TRAP1: variants seen among roughly 807,000 people sequenced by gnomAD.
The protein encoded by TRAP1 is TNF receptor associated protein 1, also known as heat shock protein 75 kDa, mitochondrial.
Under a neutral mutation model 89.1 loss-of-function variants are expected in TRAP1, and 102 were observed. The observed-to-expected ratio is 1.15, with a 90% CI of 0.98 to 1.35. The LOEUF is 1.35. Among genes scored for constraint, TRAP1 ranks in the 40% most tolerant of loss-of-function variants. The pLI, the probability that TRAP1 is intolerant of heterozygous loss-of-function variation, is 0.00. For synonymous variants in TRAP1, 508 were observed against 388.0 expected, an observed-to-expected ratio of 1.31 and a Z score of -3.64; for missense variants, 1,256 against 945.3, an observed-to-expected ratio of 1.33 and a Z score of -4.31.
chr16:3,663,513 C>G lies in TRAP1; in HGVS notation c.1619G>C (p.Arg540Pro), dbSNP rs141361125. 1.8e-5 allele frequency: 29 copies of G among 1,614,002 alleles called. No homozygotes were observed. The highest frequency in any genetic ancestry group is 3.3e-4 in the Middle Eastern group (2 of 6,084). ...QFDELTLLHL[R>P]EFDKKKLISV... Reference sequence around the variant, plus strand: ...GATCAGCTTCTTCTTGTCAAACTCACGAAGGTGCAGCAGGGTGAGCTCATC... The same window carrying G: ...GATCAGCTTCTTCTTGTCAAACTCAGGAAGGTGCAGCAGGGTGAGCTCATC... The change falls in exon 14 of 18, where the codon CGT becomes CCT. Residue 540 changes from arginine (R) to proline (P), a missense_variant. Physicochemically the swap from Arg to Pro is moderately radical, Grantham distance 103 (BLOSUM62 -2). Transcript: ENST00000246957.
intron 7 of TRAP1, 67 bp from the exon 8 acceptor site, chr16:3,675,464 G>A: frequency 6.6e-7 from 1 of 1,507,782 alleles, no homozygotes; most frequent in African/African-American, 1.4e-5. Context: ...CTTTGCAGCA[G>A]CTCCAGGATG....
rs370909975 is a variant in TRAP1 at position 3,674,316 on chromosome 16, G to A, written c.1044+23C>T. On this transcript the variant is annotated intron_variant, in intron 9 of 17. Coordinates refer to ENST00000246957, the MANE Select transcript of TRAP1 (RefSeq NM_016292.3). ...GGACAACAGAGTCACCCTGAGGGCC[G>A]TGGGACTGCCACAGTGCCTCACCAT... 54 of 1,612,594 alleles carry A rather than the reference G, an allele frequency of 3.3e-5. No individual in the cohort carries two copies. The African/African-American group carries it at 4.8e-4, about 14-fold the overall frequency.
At position 3,686,152 on chromosome 16, in the gene TRAP1, T is replaced by C. The variant is rs764304319; in HGVS notation, c.331-16A>G. On this transcript the variant is annotated splice_polypyrimidine_tract_variant and intron_variant, in intron 3 of 17. Coordinates refer to ENST00000246957, the MANE Select transcript of TRAP1 (RefSeq NM_016292.3). The stretch of plus-strand genomic sequence containing the variant: ...GTATAAACACCTACAGGAATAGAAA[T>C]GGGAGGCACAGACAATGAAGGACAC... The C allele has an allele frequency of 4.3e-6, 7 of 1,612,692 alleles. No homozygotes were observed. The South Asian group carries it at 4.4e-5, about 10-fold the overall frequency.
intron 12 of TRAP1, 119 bp downstream of exon 12, chr16:3,665,852 A>G (rs1055250865): frequency 4.8e-5 from 62 of 1,293,292 alleles, no homozygotes; most frequent in Non-Finnish European, 6.5e-5. Flanking sequence ...TGGCAGCAGC[A>G]GCAGCAGCCA....
chr16:3,682,431 G>A (rs558095765), intron 4 of TRAP1, among the ~76,000 whole-genome samples: 5 of 151,336 alleles, frequency 3.3e-5, no homozygotes, highest in Non-Finnish European at 4.4e-5. Flanking sequence ...ACGCAGGCTA[G>A]AGTGCTGGAG....
Position 3,690,955 on chromosome 16 carries a change from G to A in TRAP1, c.119C>T (p.Thr40Ile), listed in dbSNP as rs750840229. Residue 40 changes from threonine (T) to isoleucine (I), a missense_variant, in exon 2 of 18, where the codon ACA becomes ATA. By Grantham distance (89) the Thr-to-Ile change is moderately conservative (BLOSUM62 -1). Coordinates refer to ENST00000246957, the MANE Select transcript of TRAP1 (RefSeq NM_016292.3). ...GTTTCGCCTGGGGCCCAACTGGGCT[G>A]TGGTCCTCCGAGGACACAGAATTGG... ...GKPILCPRRTTAQLGPRRNPA... is the reference protein window; with the variant it reads ...GKPILCPRRTIAQLGPRRNPA... The A allele has an allele frequency of 1.9e-6, 3 of 1,565,880 alleles. No individual in the cohort carries two copies. Among genetic ancestry groups the A allele is most frequent in the South Asian group, 2.4e-5 (2 of 84,476 alleles).
At chr16:3,674,533 C>T (rs369815300) in intron 8 of TRAP1, 39 bp from the exon 9 acceptor site, 14 of 1,604,144 alleles carry the variant, frequency 8.7e-6, no homozygotes, top group Non-Finnish European at 1.2e-5. Flanking sequence ...TCGTGTTCAC[C>T]ACGCACGTCT....
intron 1 of TRAP1, among the ~76,000 whole-genome samples, 194 bp downstream of exon 1, chr16:3,717,227 G>A (rs2051609339): frequency 6.6e-6 from 1 of 152,248 alleles, no homozygotes; most frequent in Non-Finnish European, 1.5e-5. Flanking sequence ...GGGGAGTCCA[G>A]CCGAGGAAAA....
chr16:3,688,938 A>G, intron 3 of TRAP1, 117 bp downstream of exon 3: 1 of 951,352 alleles, frequency 1.1e-6, no homozygotes, highest in East Asian at 2.6e-5. Flanking sequence ...GACCTGTCCA[A>G]AGTTTAATGC....
intron 6 of TRAP1, among the ~76,000 whole-genome samples, chr16:3,677,167 C>T (rs763871896): frequency 7.9e-5 from 12 of 152,016 alleles, no homozygotes; most frequent in Non-Finnish European, 8.8e-5. Flanking sequence ...GCAGAATGAG[C>T]TCTTGCAGAA....
chr16:3,668,288 G>A (rs1213078065), intron 11 of TRAP1, among the ~76,000 whole-genome samples: 3 of 151,770 alleles, frequency 2.0e-5, no homozygotes, highest in Non-Finnish European at 4.4e-5. Context: ...TCGAACTCCT[G>A]ACCTCAGGTG....
In TRAP1 at chr16:3,661,748, G is replaced by A. The variant is rs992379006; in HGVS notation, c.1940+239C>T. Reference sequence around the variant, plus strand: ...TGGCAAAGCCATAAAGCAAAACGAGGACATGGTCACAGGCTGGGATGTGGC... The same window carrying A: ...TGGCAAAGCCATAAAGCAAAACGAGAACATGGTCACAGGCTGGGATGTGGC... On this transcript the variant is annotated intron_variant, in intron 16 of 17. Transcript: ENST00000246957. The A allele has an allele frequency of 7.1e-6, 3 of 423,944 alleles. No homozygotes were observed. In the East Asian group the frequency reaches 1.1e-4, roughly 15 times the overall value. 26.3% of individuals were successfully genotyped at this position (423,944 alleles called of 1,614,324 possible). A position where few individuals can be genotyped will look rare whatever the true frequency, so the allele number is the denominator to read the frequency against.
In TRAP1 at chr16:3,674,407, G is replaced by C. The variant is rs376594166; in HGVS notation, c.976C>G (p.Arg326Gly). 24 of 1,614,120 alleles carry C rather than the reference G, an allele frequency of 1.5e-5. No homozygotes were observed. The highest frequency in any genetic ancestry group is 1.9e-5 in the Non-Finnish European group (23 of 1,180,038). ...TCCGTCTTATAGTGCAGGGTGTAGCGGGGCTTGTCGTGAGCCTGCGCGACG... is the reference window on the plus strand; with the variant it reads ...TCCGTCTTATAGTGCAGGGTGTAGCCGGGCTTGTCGTGAGCCTGCGCGACG... ...RYVAQAHDKP[R>G]YTLHYKTDAP... is the part of the protein sequence containing the mutation. Residue 326 changes from arginine to glycine, a missense_variant, in exon 9 of 18, where the codon CGC becomes GGC. Coordinates refer to ENST00000246957, the MANE Select transcript of TRAP1 (RefSeq NM_016292.3).
chr16:3,674,365 G>C lies in TRAP1; in HGVS notation c.1018C>G (p.Arg340Gly). ...HYKTDAPLNIRSIFYVPDMKP... is the reference protein window; with the variant it reads ...HYKTDAPLNIGSIFYVPDMKP... Reference sequence around the variant, plus strand: ...ATGTCGGGCACGTAGAAGATGCTGCGGATGTTGAGCGGTGCGTCCGTCTTA... The same window carrying C: ...ATGTCGGGCACGTAGAAGATGCTGCCGATGTTGAGCGGTGCGTCCGTCTTA... Residue 340 changes from arginine to glycine, a missense_variant, in exon 9 of 18, where the codon CGC (arginine) becomes GGC (glycine). Arg to Gly is a moderately radical substitution (Grantham distance 125). Transcript: ENST00000246957. 1 of 1,614,072 alleles carries C rather than the reference G, an allele frequency of 6.2e-7. No homozygotes were observed. The highest frequency in any genetic ancestry group is 8.5e-7 in the Non-Finnish European group (1 of 1,180,020).
chr16:3,715,925 C>T (rs921398707), intron 1 of TRAP1, among the ~76,000 whole-genome samples: 2 of 152,306 alleles, frequency 1.3e-5, no homozygotes, highest in Non-Finnish European at 1.5e-5. Flanking sequence ...TGCAGTGGTG[C>T]AATCTCAGCT....
At chr16:3,715,627 A>G (rs1169754160) in intron 1 of TRAP1, among the ~76,000 whole-genome samples, 5 of 152,072 alleles carry the variant, frequency 3.3e-5, no homozygotes, top group African/African-American at 4.8e-5. Context: ...AACCCGAGTC[A>G]GCTACAAAAG....
chr16:3,682,561 T>C (rs1280682911), intron 4 of TRAP1, among the ~76,000 whole-genome samples: 1 of 152,112 alleles, frequency 6.6e-6, no homozygotes, highest in African/African-American at 2.4e-5. Flanking sequence ...AGCTAATTTC[T>C]TTTGTATTTT....
rs202247279 is a variant in TRAP1 at position 3,672,687 on chromosome 16, C to T, written c.1165+13G>A. The T allele has an allele frequency of 4.4e-6, 7 of 1,603,498 alleles. No individual in the cohort carries two copies. The Admixed American group carries it at 1.0e-4, about 23-fold the overall frequency. Reference sequence around the variant, plus strand: ...GCCACGGGGGCACTGCTCACGGACTCTGAGCAGCGTACCTCGGATGAAGCG... The same window carrying T: ...GCCACGGGGGCACTGCTCACGGACTTTGAGCAGCGTACCTCGGATGAAGCG... On this transcript the variant is annotated intron_variant, in intron 10 of 17. Coordinates refer to ENST00000246957, the MANE Select transcript of TRAP1 (RefSeq NM_016292.3).
At chr16:3,685,047 T>G (rs1004610890) in intron 4 of TRAP1, among the ~76,000 whole-genome samples, 1 of 152,154 alleles carries the variant, frequency 6.6e-6, no homozygotes, top group Non-Finnish European at 1.5e-5. Context: ...AAGAATCATG[T>G]CCCCATGACC....
Sources: allele counts gnomAD v4.1 joint callset (sites outside exome capture counted in the v4.1 genomes callset), GRCh38; gene constraint gnomAD v4.1.1; transcripts MANE v1.5; gene names NCBI Gene and HGNC (gene_info 2026-07-23, HGNC 2026-07-21).